The following GMEB1 variants were observed in gnomAD, a reference collection of about 807,000 sequenced individuals.
GMEB1 encodes glucocorticoid modulatory element-binding protein 1.
A neutral mutation model predicts 52.4 loss-of-function variants in GMEB1; 6 were observed. The observed-to-expected ratio is 0.11, with a 90% CI of 0.06 to 0.23. GMEB1 has a LOEUF of 0.23. GMEB1 is among the 10% of genes least tolerant of loss of function. The pLI, the probability that GMEB1 is intolerant of heterozygous loss-of-function variation, is 1.00. For synonymous variants in GMEB1, 255 were observed against 244.9 expected, an observed-to-expected ratio of 1.04 and a Z score of -0.38; for missense variants, 486 against 685.6, an observed-to-expected ratio of 0.71 and a Z score of 3.25.
rs757835799 is a variant in GMEB1, at chr1:28,680,599, G to A, written c.-30-2984G>A. Among the ~76,000 whole-genome samples, 3 of 152,168 alleles carry A rather than the reference G, an allele frequency of 2.0e-5. No homozygotes were observed. The East Asian group carries it at 5.8e-4, about 29-fold the overall frequency. Reference sequence around the variant, plus strand: ...AAAATACAAAAATTAGCTGGGCGTGGTGGTGCGTGCCTAAAGTCCCAGCTA... The same window carrying A: ...AAAATACAAAAATTAGCTGGGCGTGATGGTGCGTGCCTAAAGTCCCAGCTA... On this transcript the variant is annotated intron_variant, in intron 1 of 9. Transcript: ENST00000373816.
At chr1:28,674,422 C>T (rs1343296955) in intron 1 of GMEB1, among the ~76,000 whole-genome samples, 6 of 152,096 alleles carry the variant, frequency 3.9e-5, no homozygotes, top group Non-Finnish European at 5.9e-5. Flanking sequence ...TTTTTTGAGA[C>T]GGAGTCTCCC....
At chr1:28,685,295 C>T (rs954910421) in intron 2 of GMEB1, among the ~76,000 whole-genome samples, 20 of 151,676 alleles carry the variant, frequency 1.3e-4, no homozygotes, top group Non-Finnish European at 2.2e-4. Context: ...CTGCAACCTC[C>T]GCCTCCCAGG....
chr1:28,690,473 G>C (rs559019422), intron 3 of GMEB1, among the ~76,000 whole-genome samples: 129 of 152,022 alleles, frequency 8.5e-4, no homozygotes, highest in Non-Finnish European at 1.6e-3. Flanking sequence ...CCTCAAAGTT[G>C]ATCCCTGTCA....
intron 9 of GMEB1, among the ~76,000 whole-genome samples, chr1:28,711,232 A>G (rs1008347986): frequency 6.6e-6 from 1 of 151,404 alleles, no homozygotes; most frequent in Non-Finnish European, 1.5e-5. Context: ...GTTTCAGTGA[A>G]CCAAAATAGT....
intron 5 of GMEB1, 38 bp from the exon 6 acceptor site, chr1:28,696,889 A>G: frequency 1.3e-6 from 2 of 1,538,492 alleles, no homozygotes; most frequent in Non-Finnish European, 1.8e-6. Context: ...TAGATGAAGT[A>G]TAGGCTGAAC....
intron 2 of GMEB1, among the ~76,000 whole-genome samples, chr1:28,685,842 C>T (rs1161781970): frequency 6.6e-6 from 1 of 152,032 alleles, no homozygotes; most frequent in Non-Finnish European, 1.5e-5. Context: ...GTCTGTAATC[C>T]CAGCTACTCA....
intron 1 of GMEB1, among the ~76,000 whole-genome samples, chr1:28,681,630 C>T (rs572806386): frequency 3.3e-5 from 5 of 152,080 alleles, no homozygotes; most frequent in Middle Eastern, 3.4e-3. Flanking sequence ...TTCAGAGTGC[C>T]GTGCTTAAGT....
At chr1:28,713,196 T>G (rs1410662763) in intron 9 of GMEB1, among the ~76,000 whole-genome samples, 1 of 150,532 alleles carries the variant, frequency 6.6e-6, no homozygotes, top group Non-Finnish European at 1.5e-5. Context: ...GCTCTGGAGA[T>G]CCATGTGTTT....
At chr1:28,700,279 G>A (rs577685276) in intron 6 of GMEB1, among the ~76,000 whole-genome samples, 216 of 151,948 alleles carry the variant, frequency 1.4e-3, no homozygotes, top group African/African-American at 4.9e-3. Flanking sequence ...TTGGGAGGCC[G>A]AGGCTGGCAG....
chr1:28,703,529 T>C (rs1361070136), intron 7 of GMEB1, among the ~76,000 whole-genome samples: 8 of 151,920 alleles, frequency 5.3e-5, no homozygotes, highest in Admixed American at 5.2e-4. Flanking sequence ...GGTGTGCTAG[T>C]GCATGCCTGT....
At chr1:28,692,210 G>T (rs1040374198) in intron 4 of GMEB1, among the ~76,000 whole-genome samples, 3 of 150,844 alleles carry the variant, frequency 2.0e-5, no homozygotes, top group African/African-American at 7.3e-5. Flanking sequence ...TTGCTATGTT[G>T]CCTAGGCTGG....
intron 2 of GMEB1, among the ~76,000 whole-genome samples, chr1:28,687,305 T>G (rs1398532627): frequency 7.4e-6 from 1 of 135,008 alleles, no homozygotes; most frequent in Non-Finnish European, 1.5e-5. Flanking sequence ...CACTGCATTC[T>G]AGCCTGGGCA....
At chr1:28,670,569 C>G (rs906346843) in intron 1 of GMEB1, among the ~76,000 whole-genome samples, 1 of 152,022 alleles carries the variant, frequency 6.6e-6, no homozygotes, top group African/African-American at 2.4e-5. Flanking sequence ...CTCAGGTGAT[C>G]CCACATCCTC....
intron 6 of GMEB1, among the ~76,000 whole-genome samples, chr1:28,702,044 T>A (rs1307629018): frequency 6.6e-6 from 1 of 152,128 alleles, no homozygotes; most frequent in East Asian, 1.9e-4. Context: ...GCACTATACC[T>A]TTCTCTTAAA....
upstream of GMEB1, among the ~76,000 whole-genome samples, chr1:28,668,570 G>C (rs1245274837): frequency 6.6e-6 from 1 of 152,016 alleles, no homozygotes; most frequent in Non-Finnish European, 1.5e-5. Flanking sequence ...AGAGTTACTG[G>C]GGTCTCTAGC....
At chr1:28,678,552 G>A (rs956247851) in intron 1 of GMEB1, among the ~76,000 whole-genome samples, 9 of 152,000 alleles carry the variant, frequency 5.9e-5, no homozygotes, top group African/African-American at 1.4e-4. Context: ...CTCATGATCC[G>A]CCTGCCTCGG....
chr1:28,694,375 T>TA (rs1670101999), intron 5 of GMEB1, among the ~76,000 whole-genome samples: 2 of 151,138 alleles, frequency 1.3e-5, no homozygotes, highest in South Asian at 4.2e-4. Flanking sequence ...ATTTTTTTTT[T>TA]AATAGAGACG....
intron 1 of GMEB1, among the ~76,000 whole-genome samples, chr1:28,677,111 CGAATTTT>C (rs1669185460): frequency 6.6e-6 from 1 of 151,912 alleles, no homozygotes; most frequent in African/African-American, 2.4e-5. Flanking sequence ...GAAACATAAT[CGAATTTT>C]GAATTTTGTG....
intron 2 of GMEB1, among the ~76,000 whole-genome samples, chr1:28,687,410 T>G (rs1371296833): frequency 9.5e-6 from 1 of 105,032 alleles, no homozygotes. Context: ...TGGAGAATAA[T>G]GTTCTGGGAA....
Sources: gnomAD v4.1 joint callset for allele counts (sites outside exome capture counted in the v4.1 genomes callset) on GRCh38, gnomAD v4.1.1 for gene constraint, MANE v1.5 for transcripts, NCBI Gene and HGNC (gene_info 2026-07-23, HGNC 2026-07-21) for gene names.